Variants in KIAA0753 observed in about 807,000 individuals in gnomAD.
KIAA0753 encodes protein moonraker.
Under a neutral mutation model 116.9 loss-of-function variants are expected in KIAA0753, and 114 were observed. The observed-to-expected ratio is 0.98, with a 90% CI of 0.84 to 1.14. The LOEUF (loss-of-function observed/expected upper bound fraction) is 1.14, where lower values mean the gene tolerates loss of function less well. Ranked by LOEUF, KIAA0753 falls within the 50% of genes most tolerant of loss-of-function variation. KIAA0753 has a pLI of 0.00. For synonymous variants in KIAA0753, 405 were observed against 413.1 expected, an observed-to-expected ratio of 0.98 and a Z score of 0.24; for missense variants, 1,156 against 1,172.4, an observed-to-expected ratio of 0.99 and a Z score of 0.20.
In KIAA0753 at chr17:6,589,457, G is replaced by C. The variant is rs553019599; in HGVS notation, c.2786+322C>G. Among the ~76,000 whole-genome samples, 147 of 151,146 alleles carry C rather than the reference G, an allele frequency of 9.7e-4. 1 individual carries two copies. The highest frequency in any genetic ancestry group is 3.4e-3 in the African/African-American group (140 of 41,476). ...CTGTGATGACAGCCTGAGCTGACTA[G>C]AACCCGATGGTATTCTGTGATGACA... is the stretch of plus-strand genomic sequence containing the variant. On this transcript the variant is annotated intron_variant, in intron 18 of 18. Coordinates refer to ENST00000361413, the MANE Select transcript of KIAA0753 (RefSeq NM_014804.3).
At chr17:6,586,826 G>T (rs1050503492) in intron 18 of KIAA0753, among the ~76,000 whole-genome samples, 1 of 152,150 alleles carries the variant, frequency 6.6e-6, no homozygotes, top group Non-Finnish European at 1.5e-5. Context: ...GACATTAAAA[G>T]AAAGGAAAAA....
intron 7 of KIAA0753, among the ~76,000 whole-genome samples, chr17:6,614,581 A>C (rs2150850966): frequency 6.6e-6 from 1 of 152,302 alleles, no homozygotes; most frequent in Non-Finnish European, 1.5e-5. Context: ...TATATGACAG[A>C]TACACAAGCA....
At chr17:6,606,717 C>CA (rs1384430661) in intron 12 of KIAA0753, among the ~76,000 whole-genome samples, 156 bp downstream of exon 12, 14 of 151,796 alleles carry the variant, frequency 9.2e-5, no homozygotes, top group African/African-American at 1.7e-4. Context: ...CATTTCCTAG[C>CA]AAAAAAATAT....
intron 18 of KIAA0753, among the ~76,000 whole-genome samples, chr17:6,587,339 T>C (rs1017777154): frequency 5.9e-5 from 9 of 152,220 alleles, no homozygotes; most frequent in Non-Finnish European, 1.0e-4. Flanking sequence ...AGGAAAATAT[T>C]GTAAAAATCC....
At chr17:6,592,836 G>C (rs1293346208) in intron 16 of KIAA0753, among the ~76,000 whole-genome samples, 4 of 151,862 alleles carry the variant, frequency 2.6e-5, no homozygotes, top group Non-Finnish European at 5.9e-5. Flanking sequence ...AAAAATGTCT[G>C]TTCATAATAA....
intron 7 of KIAA0753, among the ~76,000 whole-genome samples, chr17:6,612,595 C>T (rs919922707): frequency 1.3e-5 from 2 of 152,160 alleles, no homozygotes; most frequent in South Asian, 2.1e-4. Context: ...TGGCCAGGGG[C>T]GGTGGCTCAC....
At chr17:6,583,103 T>C (rs1968302148) in intron 18 of KIAA0753, among the ~76,000 whole-genome samples, 1 of 152,228 alleles carries the variant, frequency 6.6e-6, no homozygotes, top group African/African-American at 2.4e-5. Context: ...TTTCCTACAG[T>C]GAAGGTCTAC....
At chr17:6,602,629 C>G (rs1048135262) in intron 12 of KIAA0753, among the ~76,000 whole-genome samples, 1 of 151,952 alleles carries the variant, frequency 6.6e-6, no homozygotes. Context: ...GAGTAGAGAA[C>G]GACCAAAAAA....
chr17:6,631,584 G>A (rs1972024599), intron 2 of KIAA0753, among the ~76,000 whole-genome samples: 1 of 152,124 alleles, frequency 6.6e-6, no homozygotes, highest in Admixed American at 6.6e-5. Context: ...AGAGAAGGAG[G>A]AAGGGAAGAG....
intron 12 of KIAA0753, among the ~76,000 whole-genome samples, chr17:6,602,936 G>C (rs1969970644): frequency 6.6e-6 from 1 of 152,132 alleles, no homozygotes; most frequent in South Asian, 2.1e-4. Context: ...TAGGTCAAAA[G>C]GCAGAGGAAA....
intron 2 of KIAA0753, among the ~76,000 whole-genome samples, chr17:6,632,555 T>C (rs939840719): frequency 2.0e-5 from 3 of 152,142 alleles, no homozygotes; most frequent in Non-Finnish European, 4.4e-5. Context: ...AAGTAGTTGG[T>C]GAAAGTTTGA....
At chr17:6,626,453 C>T (rs1418893250) in intron 3 of KIAA0753, among the ~76,000 whole-genome samples, 1 of 152,156 alleles carries the variant, frequency 6.6e-6, no homozygotes, top group Non-Finnish European at 1.5e-5. Flanking sequence ...TGTCTAATTA[C>T]TTTCATCTCG....
chr17:6,609,317 A>G (rs1285535724), intron 9 of KIAA0753, among the ~76,000 whole-genome samples: 1 of 152,186 alleles, frequency 6.6e-6, no homozygotes, highest in Non-Finnish European at 1.5e-5. Flanking sequence ...TTGTGTTTTC[A>G]AAAACTACTG....
At chr17:6,603,727 A>G (rs1752019067) in intron 12 of KIAA0753, among the ~76,000 whole-genome samples, 1 of 152,246 alleles carries the variant, frequency 6.6e-6, no homozygotes, top group Non-Finnish European at 1.5e-5. Flanking sequence ...CCGGCAACCC[A>G]GAAACACCAA....
intron 2 of KIAA0753, among the ~76,000 whole-genome samples, chr17:6,630,505 T>C (rs1971961137): frequency 1.3e-5 from 2 of 151,906 alleles, no homozygotes; most frequent in Non-Finnish European, 2.9e-5. Context: ...GAAAAGACAC[T>C]TGAAAGAGAC....
In KIAA0753 at chr17:6,612,110, T is replaced by A. The variant is rs761347097; in HGVS notation, c.1354A>T (p.Arg452Trp). Residue 452 changes from arginine (R) to tryptophan (W), a missense_variant, in exon 8 of 19, where the codon AGG (arginine) becomes TGG (tryptophan). By Grantham distance (101) the Arg-to-Trp change is moderately radical (BLOSUM62 -3). Transcript: ENST00000361413. ...QPDTELPETQ[R>W]LQSELDVLDA... The stretch of plus-strand genomic sequence containing the variant: ...AATACATCAAGCTCACTCTGCAACC[T>A]CTGGGTCTCCGGAAGCTCCGTATCG... The A allele has an allele frequency of 6.2e-7, 1 of 1,614,130 alleles. No individual in the cohort carries two copies. The highest frequency in any genetic ancestry group is 8.5e-7 in the Non-Finnish European group (1 of 1,179,976).
chr17:6,623,696 A>T, intron 4 of KIAA0753, 125 bp from the exon 5 acceptor site: 4 of 1,358,882 alleles, frequency 2.9e-6, no homozygotes, highest in Non-Finnish European at 3.8e-6. Context: ...TCACTTGAAA[A>T]TGAAAAAAAG....
intron 3 of KIAA0753, among the ~76,000 whole-genome samples, chr17:6,626,772 T>C (rs1006105585): frequency 1.3e-5 from 2 of 152,232 alleles, no homozygotes; most frequent in Non-Finnish European, 1.5e-5. Flanking sequence ...TCACAAAGTA[T>C]TGACTTATGA....
chr17:6,617,409 T>A (rs1433368642), intron 7 of KIAA0753, among the ~76,000 whole-genome samples: 1 of 152,194 alleles, frequency 6.6e-6, no homozygotes, highest in Non-Finnish European at 1.5e-5. Context: ...TGAATAAATA[T>A]CTAACAGTAA....
Sources: gnomAD v4.1 joint callset for allele counts (sites outside exome capture counted in the v4.1 genomes callset) on GRCh38, gnomAD v4.1.1 for gene constraint, MANE v1.5 for transcripts, NCBI Gene and HGNC (gene_info 2026-07-23, HGNC 2026-07-21) for gene names.